The following DOT1L variants were observed in gnomAD, a reference collection of about 807,000 sequenced individuals.
DOT1L encodes histone-lysine N-methyltransferase, H3 lysine-79 specific.
Under a neutral mutation model 153.3 loss-of-function variants are expected in DOT1L, and 33 were observed. That is an observed-to-expected ratio of 0.22 (90% CI 0.16 to 0.29). The LOEUF (loss-of-function observed/expected upper bound fraction) is 0.29, where lower values mean the gene tolerates loss of function less well. Among genes scored for constraint, DOT1L ranks in the 10% least tolerant of loss-of-function variants. The pLI is 1.00. For missense variants in DOT1L, 1,847 were observed against 2,119.9 expected (o/e 0.87, Z 2.53); for synonymous variants, 1,135 against 965.1 (o/e 1.18, Z -3.26).
intron 22 of DOT1L, among the ~76,000 whole-genome samples, chr19:2,219,730 G>A (rs541460532): frequency 6.6e-6 from 1 of 152,260 alleles, no homozygotes; most frequent in South Asian, 2.1e-4. Flanking sequence ...TCTCGCAAGC[G>A]CCCTCCTCAC....
intron 6 of DOT1L, 34 bp from the exon 7 acceptor site, chr19:2,194,481 G>A (rs1175284570): frequency 1.9e-6 from 3 of 1,613,628 alleles, no homozygotes; most frequent in Non-Finnish European, 2.5e-6. Flanking sequence ...TGCCCTGAGA[G>A]TTTGTAACGG....
Position 2,223,009 on chromosome 19 carries a change from G to A in DOT1L, c.3391-272G>A, listed in dbSNP as rs765212852. ...CAGCTGTCTCTGGGGTTCGGAGTGC[G>A]ATGCGCTGCCTGCAAGCTTCTTCAT... On this transcript the variant is annotated intron_variant, in intron 24 of 27. Transcript: ENST00000398665. 1.3e-3 allele frequency: 646 copies of A among 512,102 alleles called. 1 individual carries two copies. The highest frequency in any genetic ancestry group is 1.9e-3 in the Non-Finnish European group (538 of 290,118). 31.7% of individuals were successfully genotyped at this position (512,102 alleles called of 1,614,324 possible).
intron 10 of DOT1L, 48 bp downstream of exon 10, chr19:2,206,845 A>C: frequency 1.3e-6 from 2 of 1,564,570 alleles, no homozygotes; most frequent in Non-Finnish European, 1.8e-6. Flanking sequence ...AATTTTAACC[A>C]TCTGACACGC....
rs564255103 is a variant in DOT1L at position 2,173,222 on chromosome 19, C to T, written c.82-7491C>T. On this transcript the variant is annotated intron_variant, in intron 1 of 27. Coordinates refer to ENST00000398665, the MANE Select transcript of DOT1L (RefSeq NM_032482.3). The stretch of plus-strand genomic sequence containing the variant: ...TCACGCTGTGGCTTTAGGAGGCCCA[C>T]GAGTCCCGCGCTTTCCTCCTTCCCT... Among the ~76,000 whole-genome samples the T allele has an allele frequency of 6.6e-4, 100 of 152,008 alleles. No homozygotes were observed. The South Asian group carries it at 0.019, about 29-fold the overall frequency.
chr19:2,229,260 C>A, intron 27 of DOT1L: 4 of 985,482 alleles, frequency 4.1e-6, no homozygotes, highest in Non-Finnish European at 4.8e-6. Flanking sequence ...GCCACCCGTG[C>A]CCTCCAGGGA....
intron 1 of DOT1L, among the ~76,000 whole-genome samples, chr19:2,174,890 A>G (rs1036390235): frequency 3.3e-5 from 5 of 150,052 alleles, no homozygotes; most frequent in African/African-American, 9.8e-5. Flanking sequence ...TCCCGCCTCA[A>G]CCTCCCAGAG....
At chr19:2,211,431 C>CA (rs1451365143) in intron 15 of DOT1L, among the ~76,000 whole-genome samples, 1 of 152,194 alleles carries the variant, frequency 6.6e-6, no homozygotes, top group Non-Finnish European at 1.5e-5. Context: ...TGCTGGGTGA[C>CA]ACTTGGGACG....
chr19:2,175,431 G>T (rs2021878117), intron 1 of DOT1L, among the ~76,000 whole-genome samples: 1 of 152,196 alleles, frequency 6.6e-6, no homozygotes, highest in Non-Finnish European at 1.5e-5. Context: ...CTCCTAAGTT[G>T]CTGGGACCCC....
At chr19:2,223,235 T>C (rs2144911555) in intron 24 of DOT1L, 46 bp from the exon 25 acceptor site, 1 of 1,598,528 alleles carries the variant, frequency 6.3e-7, no homozygotes. Context: ...TGCCTTGGGG[T>C]CCCGGGTCTG....
intron 1 of DOT1L, among the ~76,000 whole-genome samples, chr19:2,177,265 C>T (rs560821529): frequency 4.6e-5 from 7 of 152,272 alleles, no homozygotes; most frequent in East Asian, 1.9e-4. Flanking sequence ...GTGCTGCACT[C>T]GCCCCACACA....
In DOT1L at chr19:2,207,325, C is replaced by G. The variant is rs1307220378; in HGVS notation, c.857-249C>G. 2.0e-5 allele frequency among the ~76,000 whole-genome samples: 3 copies of G among 152,238 alleles called. No individual in the cohort carries two copies. Among genetic ancestry groups the G allele is most frequent in the Admixed American group, 2.0e-4 (3 of 15,288 alleles). ...GTCGCTTCCAGATCTTCTCCCCCTC[C>G]TTTTCCATTCCACTCAGCTGGGTTT... On this transcript the variant is annotated intron_variant, in intron 10 of 27. Coordinates refer to ENST00000398665, the MANE Select transcript of DOT1L (RefSeq NM_032482.3). The surrounding 1 kb of genome is among the most constrained non-coding windows in gnomAD (Gnocchi z 4.5).
Position 2,216,579 on chromosome 19 carries a change from C to T in DOT1L, c.2222C>T (p.Ser741Leu), listed in dbSNP as rs1166218410. Residue 741 changes from serine to leucine, a missense_variant, in exon 20 of 28, where the codon TCA becomes TTA. By Grantham distance (145) the Ser-to-Leu change is moderately radical. Around this residue, in one of 8 missense-constraint regions of DOT1L, gnomAD observed 281 missense variants for 263.6 expected, o/e 1.07. Transcript: ENST00000398665. ...SKQNTPQYLASPLDQEVVPCT... is the reference protein window; with the variant it reads ...SKQNTPQYLALPLDQEVVPCT... ...CAGAACACGCCCCAGTACCTGGCCTCACCCCTGGACCAGGAGGTGGTGCCC... is the reference window on the plus strand; with the variant it reads ...CAGAACACGCCCCAGTACCTGGCCTTACCCCTGGACCAGGAGGTGGTGCCC... 2 of 1,608,670 alleles carry T rather than the reference C, an allele frequency of 1.2e-6. No homozygotes were observed. The highest frequency in any genetic ancestry group is 1.7e-5 in the Admixed American group (1 of 60,000).
At chr19:2,189,174 T>G (rs1175405484) in intron 3 of DOT1L, among the ~76,000 whole-genome samples, 2 of 152,100 alleles carry the variant, frequency 1.3e-5, no homozygotes. Flanking sequence ...GACGTGTGAA[T>G]GAGTTGGAGC....
At chr19:2,166,553 T>C (rs897784007) in intron 1 of DOT1L, among the ~76,000 whole-genome samples, 1 of 152,014 alleles carries the variant, frequency 6.6e-6, no homozygotes, top group Non-Finnish European at 1.5e-5. Context: ...CTGGGATTAC[T>C]GGCATGAGCC....
At position 2,204,279 on chromosome 19, in the gene DOT1L, C is replaced by G. The variant is rs1038322058; in HGVS notation, c.787+1500C>G. Among the ~76,000 whole-genome samples, 11 of 151,700 alleles carry G rather than the reference C, an allele frequency of 7.3e-5. No individual in the cohort carries two copies. Among genetic ancestry groups the G allele is most frequent in the African/African-American group, 2.7e-4 (11 of 41,252 alleles). ...TGTGCCTCCGTGTCTATGTATGTGT[C>G]TGCTTGTTTGTCTGTGTGTGTGCAT... On this transcript the variant is annotated intron_variant, in intron 9 of 27. Transcript: ENST00000398665. The surrounding 1 kb of genome is among the most constrained non-coding windows in gnomAD (Gnocchi z 5.7).
Position 2,220,870 on chromosome 19 carries a change from T to C in DOT1L, c.2806+648T>C. ...ATGCGGTATGATGCGGCAGCTACTT[T>C]TTTAGGAGTAAAAAGTAAAATGTGG... On this transcript the variant is annotated intron_variant, in intron 23 of 27. Coordinates refer to ENST00000398665, the MANE Select transcript of DOT1L (RefSeq NM_032482.3). The surrounding 1 kb of genome is among the most constrained non-coding windows in gnomAD (Gnocchi z 4.5). 3.6e-6 allele frequency: 1 copy of C among 281,144 alleles called. No homozygotes were observed. The highest frequency in any genetic ancestry group is 7.1e-6 in the Non-Finnish European group (1 of 141,452). 17.4% of individuals were successfully genotyped at this position (281,144 alleles called of 1,614,324 possible). A position where few individuals can be genotyped will look rare whatever the true frequency, so the allele number is the denominator to read the frequency against.
At chr19:2,165,766 C>T (rs556060202) in intron 1 of DOT1L, among the ~76,000 whole-genome samples, 85 of 147,090 alleles carry the variant, frequency 5.8e-4, no homozygotes, top group African/African-American at 2.1e-3. Context: ...TACATGGCTT[C>T]ACATTTTTTT....
At chr19:2,169,677 T>C (rs1334905256) in intron 1 of DOT1L, among the ~76,000 whole-genome samples, 1 of 152,118 alleles carries the variant, frequency 6.6e-6, no homozygotes, top group African/African-American at 2.4e-5. Flanking sequence ...CCTTTAAAAA[T>C]CTGCTTGTTA....
chr19:2,211,412 C>T (rs1489183682), intron 15 of DOT1L, among the ~76,000 whole-genome samples, 200 bp downstream of exon 15: 1 of 152,178 alleles, frequency 6.6e-6, no homozygotes, highest in East Asian at 1.9e-4. Context: ...TGAGGTCTTA[C>T]CCAGGAGATG....
Sources: gnomAD v4.1 joint callset for allele counts (sites outside exome capture counted in the v4.1 genomes callset) on GRCh38, gnomAD v4.1.1 for gene constraint, gnomAD v4.1.1 regional missense constraint, Gnocchi (gnomAD v3.1) non-coding constraint, MANE v1.5 for transcripts, NCBI Gene and HGNC (gene_info 2026-07-23, HGNC 2026-07-21) for gene names.